Variants in TTC6 observed in about 807,000 individuals in gnomAD.
The protein encoded by TTC6 is tetratricopeptide repeat protein 6.
TTC6 carries 172 observed loss-of-function variants against 210.4 expected under a neutral mutation model. The observed-to-expected ratio is 0.82, with a 90% confidence interval of 0.72 to 0.93. The LOEUF is 0.93. Among genes scored for constraint, TTC6 ranks in the 40% least tolerant of loss-of-function variants. The pLI is 0.00. For missense variants in TTC6, 2,414 were observed against 2,318.1 expected (o/e 1.04, Z -0.85); for synonymous variants, 804 against 819.6 (o/e 0.98, Z 0.32).
In TTC6 at chr14:37,671,075, T is replaced by C. The variant is rs8005707; in HGVS notation, c.940-9076T>C. Among the ~76,000 whole-genome samples, 438 of 152,272 alleles carry C rather than the reference T, an allele frequency of 2.9e-3. 5 individuals are homozygous for C. The highest frequency in any genetic ancestry group is 0.01 in the African/African-American group (421 of 41,548). On this transcript the variant is annotated intron_variant, in intron 1 of 30. Transcript: ENST00000553443. ...TGAATCTAGGAGCAACTTATCTATG[T>C]AATTCTAGCCTGTGGGCTTGTGTCA...
At chr14:37,639,329 A>G (rs1465490930) in intron 1 of TTC6, among the ~76,000 whole-genome samples, 4 of 152,160 alleles carry the variant, frequency 2.6e-5, no homozygotes, top group African/African-American at 7.2e-5. Context: ...ATTTGGGCAA[A>G]TCTTTTCTAC....
exon 1 of TTC6, chr14:37,622,530 G>A (rs752597553): frequency 7.2e-6 from 11 of 1,535,102 alleles, no homozygotes; most frequent in South Asian, 1.2e-5. Context: ...GCCTCCGCCC[G>A]AGCCACCCGT....
rs1595298678 is a variant in TTC6, at chr14:37,810,304, C to CCTG, written c.4569+1458_4569+1459insCTG. ...GGAAAGGTAACCCTGAATAGGAAAA[C>CCTG]AATGGGCTGGGCGAGGAGGGAACAC... On this transcript the variant is annotated intron_variant, in intron 24 of 30. Coordinates refer to ENST00000553443, the Ensembl canonical transcript of TTC6. Among the ~76,000 whole-genome samples the CCTG allele has an allele frequency of 2.0e-5, 3 of 152,300 alleles. No individual in the cohort carries two copies. In the East Asian group the frequency reaches 5.8e-4, roughly 29 times the overall value.
chr14:37,751,753 C>T (rs2095952665), intron 13 of TTC6, among the ~76,000 whole-genome samples: 2 of 150,212 alleles, frequency 1.3e-5, no homozygotes, highest in Admixed American at 6.6e-5. Flanking sequence ...ATGGTAAGTA[C>T]TATGAAGGAA....
In TTC6 at chr14:37,633,881, C is replaced by T. The variant is rs556123582; in HGVS notation, c.939+10878C>T. Among the ~76,000 whole-genome samples, 4 of 152,288 alleles carry T rather than the reference C, an allele frequency of 2.6e-5. No individual in the cohort carries two copies. The South Asian group carries it at 8.3e-4, about 32-fold the overall frequency. ...ATGCAGTAACAAGGAGGCCCCCATC[C>T]CTGGTGCCAGTAAAGGCTGAGTGGG... On this transcript the variant is annotated intron_variant, in intron 1 of 30. Coordinates refer to ENST00000553443, the Ensembl canonical transcript of TTC6.
chr14:37,838,829 G>C (rs538803465), intron 29 of TTC6, among the ~76,000 whole-genome samples: 1 of 152,234 alleles, frequency 6.6e-6, no homozygotes, highest in African/African-American at 2.4e-5. Context: ...ACAGGCCCTG[G>C]TGTGTGATGT....
chr14:37,839,148 T>C (rs1399908707), intron 29 of TTC6, among the ~76,000 whole-genome samples: 1 of 152,212 alleles, frequency 6.6e-6, no homozygotes, highest in Non-Finnish European at 1.5e-5. Flanking sequence ...TTATAATCCT[T>C]TGGGTATATA....
chr14:37,638,864 G>T (rs910656010), intron 1 of TTC6, among the ~76,000 whole-genome samples: 5 of 152,106 alleles, frequency 3.3e-5, no homozygotes, highest in Non-Finnish European at 7.3e-5. Flanking sequence ...ATAAAAGTGT[G>T]TGCCTGTTTT....
intron 2 of TTC6, among the ~76,000 whole-genome samples, chr14:37,613,554 G>T (rs746167429): frequency 2.0e-5 from 3 of 152,088 alleles, no homozygotes; most frequent in Admixed American, 6.5e-5. Flanking sequence ...ATTTATGTAA[G>T]ATGGGTGTTA....
chr14:37,622,021 T>C (rs1172678886), upstream of TTC6: 11 of 1,364,964 alleles, frequency 8.1e-6, no homozygotes, highest in Non-Finnish European at 1.1e-5. Context: ...ACACAACATA[T>C]GTGATTGTTT....
chr14:37,616,701 C>T (rs2095643268), intron 2 of TTC6, among the ~76,000 whole-genome samples: 3 of 144,188 alleles, frequency 2.1e-5, no homozygotes, highest in African/African-American at 7.8e-5. Flanking sequence ...TGCCTCAACA[C>T]TGCACTCCAG....
chr14:37,751,537 GA>G (rs1057038455), intron 13 of TTC6, among the ~76,000 whole-genome samples: 3 of 152,048 alleles, frequency 2.0e-5, no homozygotes, highest in African/African-American at 7.2e-5. Context: ...AGAAGCCTTT[GA>G]AAATTGCTTC....
intron 1 of TTC6, among the ~76,000 whole-genome samples, chr14:37,634,402 T>C (rs1209660291): frequency 1.3e-5 from 2 of 152,214 alleles, no homozygotes; most frequent in South Asian, 2.1e-4. Context: ...ATCAGTGAAC[T>C]TGGAGAACAA....
At chr14:37,809,345 C>T (rs1016236313) in intron 24 of TTC6, among the ~76,000 whole-genome samples, 4 of 149,370 alleles carry the variant, frequency 2.7e-5, no homozygotes, top group Admixed American at 1.3e-4. Flanking sequence ...CTCCGCCTCC[C>T]GGGTTCACGC....
At chr14:37,615,506 G>A (rs1450720810) in intron 2 of TTC6, among the ~76,000 whole-genome samples, 3 of 151,870 alleles carry the variant, frequency 2.0e-5, no homozygotes, top group Non-Finnish European at 2.9e-5. Flanking sequence ...GATAATTTCT[G>A]TGCATTTATC....
intron 20 of TTC6, among the ~76,000 whole-genome samples, chr14:37,798,379 A>G (rs1019774614): frequency 2.9e-5 from 3 of 104,356 alleles, no homozygotes; most frequent in Non-Finnish European, 6.8e-5. Flanking sequence ...TTTTGCTACT[A>G]TTATAAAGGG....
intron 25 of TTC6, among the ~76,000 whole-genome samples, chr14:37,817,092 G>A (rs758442519): frequency 2.0e-5 from 3 of 152,142 alleles, no homozygotes; most frequent in Non-Finnish European, 4.4e-5. Flanking sequence ...CCAAAGGCAG[G>A]AGCAGCCCCA....
At chr14:37,712,412 T>C (rs1407666172) in intron 5 of TTC6, among the ~76,000 whole-genome samples, 1 of 152,180 alleles carries the variant, frequency 6.6e-6, no homozygotes, top group African/African-American at 2.4e-5. Context: ...TCTTAGTCCC[T>C]AGACCTTCCC....
intron 1 of TTC6, among the ~76,000 whole-genome samples, chr14:37,653,164 T>A (rs1196947447): frequency 6.6e-6 from 1 of 152,226 alleles, no homozygotes; most frequent in Admixed American, 6.5e-5. Flanking sequence ...TAGCAGTGGC[T>A]CCGGCCTTTG....
Sources: gnomAD v4.1 joint callset for allele counts (sites outside exome capture counted in the v4.1 genomes callset) on GRCh38, gnomAD v4.1.1 for gene constraint, MANE v1.5 for transcripts, NCBI Gene and HGNC (gene_info 2026-07-23, HGNC 2026-07-21) for gene names.